The following PASK variants were observed in gnomAD, a reference collection of about 807,000 sequenced individuals.
PASK encodes the protein PAS domain containing serine/threonine kinase, also known as PAS domain-containing serine/threonine-protein kinase.
Under a neutral mutation model 121.0 loss-of-function variants are expected in PASK, and 110 were observed. The ratio of observed to expected loss-of-function variants is 0.91; its 90% CI spans 0.78 to 1.06. PASK has a LOEUF of 1.06. PASK is among the 50% of genes least tolerant of loss of function. The pLI is 0.00. For missense variants in PASK, 1,643 were observed against 1,702.3 expected (o/e 0.97, Z 0.61); for synonymous variants, 686 against 717.8 (o/e 0.96, Z 0.71).
At position 241,124,072 on chromosome 2, in the gene PASK, CCAG is replaced by C; in HGVS notation, c.2778_2780del (p.Cys926del). On this transcript the variant is annotated inframe_deletion, in exon 11 of 18. Coordinates refer to ENST00000234040, the MANE Select transcript of PASK (RefSeq NM_015148.4). Reference sequence around the variant, plus strand: ...GGCTGTGGAGGAGGTCTTTCACCAGCCAGCAGCAGAACAGAGGTGTGGGGCCCT... The same window carrying C: ...GGCTGTGGAGGAGGTCTTTCACCAGCCAGCAGAACAGAGGTGTGGGGCCCT... 1 of 1,613,788 alleles carries C rather than the reference CCAG, an allele frequency of 6.2e-7. No individual in the cohort carries two copies. Among genetic ancestry groups the C allele is most frequent in the Non-Finnish European group, 8.5e-7 (1 of 1,179,962 alleles).
intron 1 of PASK, 108 bp from the exon 2 acceptor site, chr2:241,143,182 C>T (rs4675829): frequency 0.052 from 36,112 of 690,810 alleles, 4,840 homozygotes; most frequent in East Asian, 0.45. Context: ...AAGACATACA[C>T]CACCAACCGC....
At chr2:241,137,341 C>G in intron 6 of PASK, 77 bp from the exon 7 acceptor site, 1 of 1,162,946 alleles carries the variant, frequency 8.6e-7, no homozygotes, top group Admixed American at 1.7e-5. Flanking sequence ...GCGTCCGACC[C>G]GACTTCTACC....
chr2:241,140,730 G>A lies in PASK; in HGVS notation c.220C>T (p.Leu74=), dbSNP rs373415346. Residue 74 remains leucine (L), a synonymous_variant, in exon 3 of 18, where the codon CTA becomes TTA. Coordinates refer to ENST00000234040, the MANE Select transcript of PASK (RefSeq NM_015148.4). ...ATATTCTGGGCAGCCAGTGATGATA[G>A]ACAATAGGAGCTCCATCTGTCTTCT... ...LSEDRWSSYC[L]SSLAAQNICT... 2 of 1,611,712 alleles carry A rather than the reference G, an allele frequency of 1.2e-6. No individual in the cohort carries two copies. The highest frequency in any genetic ancestry group is 2.7e-5 in the African/African-American group (2 of 74,904).
chr2:241,111,199 T>C (rs1398896758), intron 15 of PASK, among the ~76,000 whole-genome samples: 1 of 152,216 alleles, frequency 6.6e-6, no homozygotes, highest in Admixed American at 6.5e-5. Context: ...GCAAATGCCC[T>C]GGCCTCAGGC....
intron 15 of PASK, among the ~76,000 whole-genome samples, chr2:241,110,952 C>T (rs2065087025): frequency 6.6e-6 from 1 of 152,240 alleles, no homozygotes; most frequent in Admixed American, 6.5e-5. Context: ...TTCCTCCATA[C>T]TCTGCACACA....
In PASK at chr2:241,126,225, C is replaced by G. The variant is rs762733484; in HGVS notation, c.2690G>C (p.Ser897Thr). The G allele has an allele frequency of 6.2e-7, 1 of 1,614,106 alleles. No individual in the cohort carries two copies. Among genetic ancestry groups the G allele is most frequent in the Non-Finnish European group, 8.5e-7 (1 of 1,180,036 alleles). Residue 897 changes from serine (S) to threonine (T), a missense_variant, in exon 10 of 18, where the codon AGC becomes ACC. Around this residue, in one of 3 missense-constraint regions of PASK, gnomAD observed 1,176 missense variants for 1,162.2 expected, o/e 1.01. Transcript: ENST00000234040. ...CCGTAAGCCATCTCGATGGTAGCAG[C>G]TCCCGGAGTAGGCACCCTCCTGGAT... Reference protein sequence around the residue: ...REIQEGAYSGSCYHRDGLRLS... With the variant: ...REIQEGAYSGTCYHRDGLRLS...
rs2065682157 is a variant in PASK, at chr2:241,122,915, A to T, written c.2905-16T>A. ...CTCTGAGCACCTGCAATGCAGAAGA[A>T]GGTCTGTGGGGTCACATGCAACTGC... On this transcript the variant is annotated splice_polypyrimidine_tract_variant and intron_variant, in intron 11 of 17. Transcript: ENST00000234040. 1.2e-6 allele frequency: 2 copies of T among 1,613,186 alleles called. No homozygotes were observed. Among genetic ancestry groups the T allele is most frequent in the Middle Eastern group, 1.7e-4 (1 of 6,052 alleles).
chr2:241,130,287 G>A (rs2066066719), intron 9 of PASK, among the ~76,000 whole-genome samples: 1 of 152,226 alleles, frequency 6.6e-6, no homozygotes. Flanking sequence ...TGCAGTGGAT[G>A]CTAATCAAAC....
intron 9 of PASK, among the ~76,000 whole-genome samples, chr2:241,129,848 T>A (rs569971565): frequency 3.9e-5 from 6 of 152,278 alleles, no homozygotes; most frequent in Admixed American, 2.0e-4. Flanking sequence ...GGTCCTCCAG[T>A]GGGGAAGCAC....
At position 241,143,882 on chromosome 2, in the gene PASK, C is replaced by T. The variant is rs1032208536; in HGVS notation, c.-42-808G>A. Among the ~76,000 whole-genome samples the T allele has an allele frequency of 4.0e-4, 61 of 152,260 alleles. 1 individual carries two copies. The highest frequency in any genetic ancestry group is 8.8e-5 in the Non-Finnish European group (6 of 68,048). On this transcript the variant is annotated intron_variant, in intron 1 of 17. Transcript: ENST00000234040. Reference sequence around the variant, plus strand: ...AGAGGCCATGTCTCCTAGAGACAGGCCTGGCACCAGAGATTTGTATTTTTA... The same window carrying T: ...AGAGGCCATGTCTCCTAGAGACAGGTCTGGCACCAGAGATTTGTATTTTTA...
chr2:241,111,506 G>C (rs574660876), intron 15 of PASK, among the ~76,000 whole-genome samples: 2 of 152,310 alleles, frequency 1.3e-5, no homozygotes, highest in East Asian at 3.9e-4. Flanking sequence ...GACACATTTG[G>C]TTTACAGGCA....
At chr2:241,146,520 G>A (rs1004534963) in intron 1 of PASK, among the ~76,000 whole-genome samples, 1 of 152,156 alleles carries the variant, frequency 6.6e-6, no homozygotes, top group African/African-American at 2.4e-5. Context: ...TTAACAAGAA[G>A]ATAGATTTTA....
intron 9 of PASK, among the ~76,000 whole-genome samples, chr2:241,132,119 G>A (rs2066172287): frequency 6.6e-6 from 1 of 150,852 alleles, no homozygotes; most frequent in East Asian, 1.9e-4. Flanking sequence ...CACGTGCTAT[G>A]TACAATACGA....
At chr2:241,134,991 G>A (rs2125444068) in intron 8 of PASK, among the ~76,000 whole-genome samples, 2 of 152,320 alleles carry the variant, frequency 1.3e-5, no homozygotes, top group Middle Eastern at 6.8e-3. Flanking sequence ...ACAAGAATGA[G>A]CACTGTGGAA....
rs2065275010 is a variant in PASK at position 241,115,164 on chromosome 2, A to G, written c.3212T>C (p.Phe1071Ser). Residue 1071 changes from phenylalanine (F) to serine (S), a missense_variant, in exon 14 of 18, where the codon TTT becomes TCT. Coordinates refer to ENST00000234040, the MANE Select transcript of PASK (RefSeq NM_015148.4). ...AAGCTGGAAGAACCCTTGGTTTTCA[A>G]ATATATCCAATACCTAGGAAGAGAC... is the stretch of plus-strand genomic sequence containing the variant. ...HANIIKVLDI[F>S]ENQGFFQLVM... The G allele has an allele frequency of 1.2e-6, 2 of 1,614,100 alleles. No homozygotes were observed. The highest frequency in any genetic ancestry group is 4.5e-5 in the East Asian group (2 of 44,886).
chr2:241,112,377 C>T lies in PASK; in HGVS notation c.3396G>A (p.Glu1132=). The change falls in exon 15 of 18, where the codon GAG becomes GAA. Residue 1132 remains glutamate, a synonymous_variant. Coordinates refer to ENST00000234040, the MANE Select transcript of PASK (RefSeq NM_015148.4). The surrounding 1 kb of genome is among the most constrained non-coding windows in gnomAD (Gnocchi z 5.2). ...TGAAGTCCTCGGCGATCACGATGTT[C>T]TCATCCTTGATGTCACGGTGGATGA... ...KDIIHRDIKD[E]NIVIAEDFTI... 6.2e-7 allele frequency: 1 copy of T among 1,613,780 alleles called. No homozygotes were observed. Among genetic ancestry groups the T allele is most frequent in the Non-Finnish European group, 8.5e-7 (1 of 1,179,746 alleles).
chr2:241,127,695 C>T (rs1350955010), intron 9 of PASK: 2 of 533,992 alleles, frequency 3.7e-6, no homozygotes, highest in African/African-American at 3.8e-5. Flanking sequence ...CAGTAAAGTA[C>T]AGGAGAACTT....
intron 7 of PASK, 93 bp from the exon 8 acceptor site, chr2:241,136,132 C>T: frequency 8.8e-7 from 1 of 1,139,442 alleles, no homozygotes; most frequent in Non-Finnish European, 1.3e-6. Flanking sequence ...ACAAGGAGAG[C>T]CAGTCCCTGA....
Position 241,108,447 on chromosome 2 carries a change from C to T in PASK, c.3534-147G>A, listed in dbSNP as rs1347191384. 1.4e-5 allele frequency: 11 copies of T among 788,310 alleles called. No homozygotes were observed. The highest frequency in any genetic ancestry group is 3.4e-4 in the Middle Eastern group (1 of 2,938). 48.8% of individuals were successfully genotyped at this position (788,310 alleles called of 1,614,324 possible). A position where few individuals can be genotyped will look rare whatever the true frequency, so the allele number is the denominator to read the frequency against. ...GGAGGGTCACTCCACCCCTCAAACA[C>T]GCCCTCCATTTCCACGCACTTCTGC... On this transcript the variant is annotated intron_variant, in intron 15 of 17. Transcript: ENST00000234040. This position sits in a 1 kb window ranked among gnomAD's most constrained non-coding sequence, Gnocchi z 5.2.
Sources: gnomAD v4.1 joint callset for allele counts (sites outside exome capture counted in the v4.1 genomes callset) on GRCh38, gnomAD v4.1.1 for gene constraint, gnomAD v4.1.1 regional missense constraint, Gnocchi (gnomAD v3.1) non-coding constraint, MANE v1.5 for transcripts, NCBI Gene and HGNC (gene_info 2026-07-23, HGNC 2026-07-21) for gene names.